NF1: variants seen among roughly 807,000 people sequenced by gnomAD.
NF1 encodes neurofibromin 1.
In NF1, 122 loss-of-function variants were observed where a neutral mutation model predicts 325.7. The observed-to-expected ratio is 0.37, with a 90% CI of 0.32 to 0.44. NF1 has a LOEUF of 0.44. NF1 is among the 20% of genes least tolerant of loss of function. The pLI is 1.00. For missense variants in NF1, 2,140 were observed against 3,415.4 expected (o/e 0.63, Z 9.31); for synonymous variants, 1,091 against 1,186.0 (o/e 0.92, Z 1.65).
At chr17:31,191,740 T>C (rs2066345872) in intron 8 of NF1, among the ~76,000 whole-genome samples, 1 of 152,138 alleles carries the variant, frequency 6.6e-6, no homozygotes, top group Non-Finnish European at 1.5e-5. Flanking sequence ...ATAAGTGATA[T>C]AAAAGAAAAA....
In NF1 at chr17:31,181,801, A is replaced by ATTTTTTTTT. The variant is rs71142032; in HGVS notation, c.730+24_730+32dup. ...GATATGGCTGGTAAGGATACGATTG[A>ATTTTTTTTT]TTTTTTTTTTTTTTTTGTCTTTTAA... On this transcript the variant is annotated intron_variant, in intron 7 of 57. Coordinates refer to ENST00000358273, the MANE Select transcript of NF1 (RefSeq NM_001042492.3). 9.0e-6 allele frequency: 11 copies of ATTTTTTTTT among 1,218,954 alleles called. No homozygotes were observed. The highest frequency in any genetic ancestry group is 1.5e-5 in the African/African-American group (1 of 65,908). The allele number at this position is 1,218,954 out of a possible 1,614,324, so 75.5% of individuals were successfully genotyped here. A position where few individuals can be genotyped will look rare whatever the true frequency, so the allele number is the denominator to read the frequency against.
intron 1 of NF1, among the ~76,000 whole-genome samples, chr17:31,151,172 A>C (rs546184500): frequency 6.6e-6 from 1 of 152,308 alleles, no homozygotes; most frequent in South Asian, 2.1e-4. Context: ...GTTTAGATAC[A>C]CAAACACCAT....
intron 1 of NF1, among the ~76,000 whole-genome samples, chr17:31,152,659 TG>T (rs772373835): frequency 1.8e-4 from 27 of 151,836 alleles, no homozygotes; most frequent in Admixed American, 8.6e-4. Flanking sequence ...AATTCTTTCT[TG>T]AGTTCTGTCA....
chr17:31,330,233 A>G, intron 38 of NF1, 63 bp from the exon 39 acceptor site: 3 of 1,407,090 alleles, frequency 2.1e-6, no homozygotes, highest in Non-Finnish European at 3.0e-6. Context: ...TATGTTATGA[A>G]AAAATTTTGG....
intron 57 of NF1, among the ~76,000 whole-genome samples, chr17:31,373,002 C>A (rs1027543963): frequency 6.6e-6 from 1 of 152,180 alleles, no homozygotes; most frequent in African/African-American, 2.4e-5. Context: ...TGCAACAGGG[C>A]AAGACCCTGT....
intron 19 of NF1, 27 bp downstream of exon 19, chr17:31,227,318 C>G: frequency 6.2e-7 from 1 of 1,609,602 alleles, no homozygotes; most frequent in Non-Finnish European, 8.5e-7. Context: ...AGAAACACCC[C>G]TCCCAGGCGC....
rs189971372 is a variant in NF1 at position 31,278,604 on chromosome 17, G to A, written c.4835+13265G>A. Among the ~76,000 whole-genome samples, 718 of 127,190 alleles carry A rather than the reference G, an allele frequency of 5.6e-3. 4 individuals carry two copies. The highest frequency in any genetic ancestry group is 0.02 in the African/African-American group (691 of 35,090). 83.4% of individuals were successfully genotyped at this position (127,190 alleles called of 152,430 possible). A position where few individuals can be genotyped will look rare whatever the true frequency, so the allele number is the denominator to read the frequency against. On this transcript the variant is annotated intron_variant, in intron 36 of 57. Coordinates refer to ENST00000358273, the MANE Select transcript of NF1 (RefSeq NM_001042492.3). ...TGCCTCATGTCTCATTCATTCATTC[G>A]TTTATTTTTTTATTATTTTTTTTTT...
At position 31,291,639 on chromosome 17, in the gene NF1, G is replaced by A. The variant is rs191121353; in HGVS notation, c.4835+26300G>A. 1.6e-3 allele frequency among the ~76,000 whole-genome samples: 248 copies of A among 152,190 alleles called. 1 individual carries two copies. Among genetic ancestry groups the A allele is most frequent in the Middle Eastern group, 3.4e-3 (1 of 292 alleles). On this transcript the variant is annotated intron_variant, in intron 36 of 57. Coordinates refer to ENST00000358273, the MANE Select transcript of NF1 (RefSeq NM_001042492.3). ...GGAAAAATTTTATGAAAGATTTTAG[G>A]TTAACTCTTGACTGACATTTTTGGT... is the stretch of plus-strand genomic sequence containing the variant.
intron 1 of NF1, among the ~76,000 whole-genome samples, chr17:31,103,336 G>A (rs1272765053): frequency 2.6e-5 from 4 of 151,948 alleles, no homozygotes; most frequent in African/African-American, 7.3e-5. Flanking sequence ...TCTGCCTCCC[G>A]GGTTCAAGTG....
In NF1 at chr17:31,276,532, A is replaced by G. The variant is rs17884299; in HGVS notation, c.4835+11193A>G. 5.3e-5 allele frequency among the ~76,000 whole-genome samples: 8 copies of G among 152,326 alleles called. No homozygotes were observed. In the East Asian group the frequency reaches 1.5e-3, roughly 29 times the overall value. On this transcript the variant is annotated intron_variant, in intron 36 of 57. Transcript: ENST00000358273. ...ACCTTAAGTTTTATCAAAAAATAAA[A>G]AAGTTTGACACCAAAATTTATTTGG... is the stretch of plus-strand genomic sequence containing the variant.
At chr17:31,311,076 A>G (rs926229288) in intron 36 of NF1, among the ~76,000 whole-genome samples, 1 of 151,594 alleles carries the variant, frequency 6.6e-6, no homozygotes, top group African/African-American at 2.4e-5. Context: ...CAGCTTCCCT[A>G]AAGAAGTTAG....
intron 35 of NF1, among the ~76,000 whole-genome samples, chr17:31,263,090 G>C (rs938651488): frequency 9.5e-6 from 1 of 104,924 alleles, no homozygotes; most frequent in African/African-American, 3.7e-5. Flanking sequence ...TAGGTAGGTA[G>C]GTAGGTAGGT....
chr17:31,102,726 C>G (rs1451988656), intron 1 of NF1, among the ~76,000 whole-genome samples: 1 of 150,854 alleles, frequency 6.6e-6, no homozygotes, highest in Admixed American at 6.6e-5. Flanking sequence ...CAGAGTGAGA[C>G]CCTGTCTTCC....
chr17:31,338,070 T>C lies in NF1; in HGVS notation c.6750T>C (p.Val2250=), dbSNP rs762075320. The C allele has an allele frequency of 7.4e-6, 12 of 1,613,828 alleles. No homozygotes were observed. The Admixed American group carries it at 1.5e-4, about 20-fold the overall frequency. The stretch of plus-strand genomic sequence containing the variant: ...CATCCCTGCAACCAAGAGCTCTTGT[T>C]GTCTTTGGGTGTATTAGCAAACGAG... ...YNPSLQPRAL[V]VFGCISKRVS... The change falls in exon 45 of 58, where the codon GTT becomes GTC. Residue 2250 remains valine (V), a synonymous_variant. Transcript: ENST00000358273.
chr17:31,302,705 C>T (rs1218223321), intron 36 of NF1, among the ~76,000 whole-genome samples: 3 of 151,808 alleles, frequency 2.0e-5, no homozygotes, highest in African/African-American at 2.4e-5. Flanking sequence ...ATTAGCCAGG[C>T]GTGGTGGTGC....
intron 35 of NF1, among the ~76,000 whole-genome samples, chr17:31,263,107 G>GATAGATAGATAGATAGA (rs2067719524): frequency 1.7e-5 from 1 of 60,018 alleles, no homozygotes; most frequent in Non-Finnish European, 4.9e-5. Context: ...AGGTAGGTAG[G>GATAGATAGATAGATAGA]TAGATAGATA....
chr17:31,159,935 A>T (rs907893895), intron 3 of NF1, among the ~76,000 whole-genome samples: 1 of 152,174 alleles, frequency 6.6e-6, no homozygotes, highest in African/African-American at 2.4e-5. Flanking sequence ...TAGTGAAACT[A>T]GTTGAAAGAG....
At chr17:31,262,733 A>G (rs1158973358) in intron 35 of NF1, among the ~76,000 whole-genome samples, 1 of 152,224 alleles carries the variant, frequency 6.6e-6, no homozygotes, top group Non-Finnish European at 1.5e-5. Flanking sequence ...ATAAGAATGT[A>G]TGGGTATATA....
At chr17:31,102,248 T>C (rs1483490755) in intron 1 of NF1, among the ~76,000 whole-genome samples, 1 of 152,232 alleles carries the variant, frequency 6.6e-6, no homozygotes, top group Non-Finnish European at 1.5e-5. Context: ...TGTCACTTAC[T>C]GTTAGGATAT....
Sources: allele counts gnomAD v4.1 joint callset (sites outside exome capture counted in the v4.1 genomes callset), GRCh38; gene constraint gnomAD v4.1.1; transcripts MANE v1.5; gene names NCBI Gene and HGNC (gene_info 2026-07-23, HGNC 2026-07-21).